Variants in ELMO1 observed in about 807,000 individuals in gnomAD.
ELMO1 encodes engulfment and cell motility protein 1.
Under a neutral mutation model 98.9 loss-of-function variants are expected in ELMO1, and 26 were observed. That is an observed-to-expected ratio of 0.26 (90% CI 0.19 to 0.36). ELMO1 has a LOEUF of 0.36. ELMO1 is among the 10% of genes least tolerant of loss of function. The probability of loss-of-function intolerance (pLI) is 1.00; values close to 1 mark genes in which losing one functional copy is unlikely to be tolerated. For missense variants in ELMO1, 627 were observed against 935.2 expected, an observed-to-expected ratio of 0.67 and a Z score of 4.30; for synonymous variants, 346 against 346.0, an observed-to-expected ratio of 1.00 and a Z score of 0.00.
At chr7:37,196,486 T>C (rs1261083932) in intron 13 of ELMO1, among the ~76,000 whole-genome samples, 1 of 152,168 alleles carries the variant, frequency 6.6e-6, no homozygotes, top group Non-Finnish European at 1.5e-5. Context: ...AGCAAGTGGA[T>C]AGTTGGTGTG....
chr7:37,081,464 C>T (rs1416165040), intron 15 of ELMO1, among the ~76,000 whole-genome samples: 1 of 152,160 alleles, frequency 6.6e-6, no homozygotes, highest in Non-Finnish European at 1.5e-5. Context: ...GGCTGTGTCC[C>T]CACCCAAATC....
At chr7:37,011,195 T>C (rs545252879) in intron 16 of ELMO1, among the ~76,000 whole-genome samples, 1 of 152,312 alleles carries the variant, frequency 6.6e-6, no homozygotes, top group African/African-American at 2.4e-5. Context: ...ATAGGCTAAT[T>C]ATGATAAAAG....
chr7:37,142,139 C>A (rs1174716254), intron 13 of ELMO1, among the ~76,000 whole-genome samples: 1 of 152,100 alleles, frequency 6.6e-6, no homozygotes, highest in Non-Finnish European at 1.5e-5. Context: ...AAATAAAAAC[C>A]ATTCCGCATG....
intron 1 of ELMO1, among the ~76,000 whole-genome samples, chr7:37,392,319 A>G (rs1749797987): frequency 6.6e-6 from 1 of 152,210 alleles, no homozygotes; most frequent in Non-Finnish European, 1.5e-5. Context: ...AGGAACCTGA[A>G]TAAAGTGGCA....
chr7:37,261,838 G>A (rs948362138), intron 5 of ELMO1, among the ~76,000 whole-genome samples: 1 of 152,188 alleles, frequency 6.6e-6, no homozygotes. Flanking sequence ...CTGACCTCAG[G>A]TGATCAGCCT....
chr7:37,281,012 A>AT (rs1562578854), intron 4 of ELMO1, among the ~76,000 whole-genome samples: 9 of 108,800 alleles, frequency 8.3e-5, no homozygotes, highest in South Asian at 8.1e-4. Context: ...TATATATATA[A>AT]ATATATATAT....
chr7:37,427,882 AAGTCTGCCAGCTTGGAGG>A, intron 1 of ELMO1, among the ~76,000 whole-genome samples: 1 of 152,352 alleles, frequency 6.6e-6, no homozygotes, highest in South Asian at 2.1e-4. Flanking sequence ...AATAGTGCTC[AAGTCTGCCAGCTTGGAGG>A]CTTTGGGTAC....
intron 13 of ELMO1, among the ~76,000 whole-genome samples, chr7:37,170,572 G>C (rs76221497): frequency 3.8e-5 from 1 of 26,366 alleles, no homozygotes; most frequent in Non-Finnish European, 2.1e-4. Context: ...TTCCTTCTTT[G>C]TTTTTCTTTT....
chr7:36,931,460 G>A (rs201211190), intron 16 of ELMO1, among the ~76,000 whole-genome samples: 1 of 152,202 alleles, frequency 6.6e-6, no homozygotes, highest in East Asian at 1.9e-4. Flanking sequence ...AATTAGCTGG[G>A]GGTGGTGGTG....
At chr7:36,972,605 G>A (rs1049040342) in intron 16 of ELMO1, among the ~76,000 whole-genome samples, 4 of 152,054 alleles carry the variant, frequency 2.6e-5, no homozygotes, top group Admixed American at 2.0e-4. Context: ...TTCCTTCTAT[G>A]CATGTCTGTC....
At chr7:37,383,005 T>C (rs1802642235) in intron 1 of ELMO1, among the ~76,000 whole-genome samples, 1 of 152,202 alleles carries the variant, frequency 6.6e-6, no homozygotes, top group African/African-American at 2.4e-5. Flanking sequence ...ATGCCACTTT[T>C]CCCCTCCATA....
At chr7:37,053,995 A>G (rs1051955894) in intron 15 of ELMO1, among the ~76,000 whole-genome samples, 1 of 152,224 alleles carries the variant, frequency 6.6e-6, no homozygotes, top group African/African-American at 2.4e-5. Flanking sequence ...CTGAATGTAT[A>G]GTTTGCATTC....
chr7:37,142,366 A>G (rs10085552), intron 13 of ELMO1, among the ~76,000 whole-genome samples: 109,374 of 152,138 alleles, frequency 0.72, 41,757 homozygotes, highest in Non-Finnish European at 0.83. Flanking sequence ...TGCTAAGTAC[A>G]TTCTGGGTGT....
At chr7:37,365,322 G>A (rs1172522870) in intron 1 of ELMO1, among the ~76,000 whole-genome samples, 1 of 152,194 alleles carries the variant, frequency 6.6e-6, no homozygotes, top group African/African-American at 2.4e-5. Flanking sequence ...TCCTACTGAA[G>A]TATGGGCAAG....
At chr7:37,278,168 GC>G (rs56273202) in intron 4 of ELMO1, among the ~76,000 whole-genome samples, 141,194 of 141,196 alleles carry the variant, frequency 1, 70,596 homozygotes, top group Middle Eastern at 1. Context: ...GTACTGGGTG[GC>G]CCTTTTTGAT....
At chr7:36,943,772 A>G (rs1787249508) in intron 16 of ELMO1, among the ~76,000 whole-genome samples, 1 of 152,186 alleles carries the variant, frequency 6.6e-6, no homozygotes, top group Non-Finnish European at 1.5e-5. Context: ...TTTTCATAAC[A>G]AAAAGGAAAT....
At chr7:36,911,806 C>G (rs1298946769) in intron 16 of ELMO1, among the ~76,000 whole-genome samples, 1 of 152,212 alleles carries the variant, frequency 6.6e-6, no homozygotes, top group Admixed American at 6.5e-5. Context: ...CATCGGCCAA[C>G]TCTCAGCTAT....
At chr7:37,146,112 G>A (rs1787971398) in intron 13 of ELMO1, among the ~76,000 whole-genome samples, 1 of 152,134 alleles carries the variant, frequency 6.6e-6, no homozygotes, top group South Asian at 2.1e-4. Context: ...TCTGTGGTTG[G>A]GAGCCAGGCG....
intron 6 of ELMO1, among the ~76,000 whole-genome samples, chr7:37,252,121 A>G (rs1214799166): frequency 6.6e-6 from 1 of 152,248 alleles, no homozygotes; most frequent in Non-Finnish European, 1.5e-5. Flanking sequence ...GCTCATGGAT[A>G]GAAAGAATCA....
Sources: allele counts gnomAD v4.1 joint callset (sites outside exome capture counted in the v4.1 genomes callset), GRCh38; gene constraint gnomAD v4.1.1; transcripts MANE v1.5; gene names NCBI Gene and HGNC (gene_info 2026-07-23, HGNC 2026-07-21).